The following ELOVL7 variants were observed in gnomAD, a reference collection of about 807,000 sequenced individuals.
ELOVL7 encodes the protein very long chain fatty acid elongase 7.
Under a neutral mutation model 35.7 loss-of-function variants are expected in ELOVL7, and 27 were observed. The observed-to-expected ratio is 0.76, with a 90% CI of 0.56 to 1.04. ELOVL7 has a LOEUF of 1.04. Among genes scored for constraint, ELOVL7 ranks in the 50% least tolerant of loss-of-function variants. The probability of loss-of-function intolerance (pLI) is 0.00; values close to 1 mark genes in which losing one functional copy is unlikely to be tolerated. For missense variants in ELOVL7, 327 were observed against 340.8 expected (o/e 0.96, Z 0.32); for synonymous variants, 113 against 114.6 (o/e 0.99, Z 0.09).
At chr5:60,819,317 G>A (rs532619176) in intron 1 of ELOVL7, among the ~76,000 whole-genome samples, 1 of 152,152 alleles carries the variant, frequency 6.6e-6, no homozygotes, top group South Asian at 2.1e-4. Context: ...GATGGGATAG[G>A]TGGATAGACA....
chr5:60,811,272 T>C (rs1006407675), intron 1 of ELOVL7, among the ~76,000 whole-genome samples: 3 of 152,176 alleles, frequency 2.0e-5, no homozygotes, highest in Admixed American at 6.6e-5. Flanking sequence ...TGTGTGTTTA[T>C]GCACATACTA....
At position 60,768,844 on chromosome 5, in the gene ELOVL7, T is replaced by C. The variant is rs1049465302; in HGVS notation, c.256-941A>G. Reference sequence around the variant, plus strand: ...CTCTCAGTATAATGGTTATATCCTTTTCTGCCATTGAACCATATTTTAAAT... The same window carrying C: ...CTCTCAGTATAATGGTTATATCCTTCTCTGCCATTGAACCATATTTTAAAT... On this transcript the variant is annotated intron_variant, in intron 4 of 8. Coordinates refer to ENST00000508821, the MANE Select transcript of ELOVL7 (RefSeq NM_024930.3). Among the ~76,000 whole-genome samples, 5 of 152,342 alleles carry C rather than the reference T, an allele frequency of 3.3e-5. No homozygotes were observed. The East Asian group carries it at 9.6e-4, about 29-fold the overall frequency.
At chr5:60,817,237 T>TA (rs550224107) in intron 1 of ELOVL7, among the ~76,000 whole-genome samples, 22 of 136,140 alleles carry the variant, frequency 1.6e-4, no homozygotes, top group African/African-American at 2.2e-4. Context: ...TTCAACAAAT[T>TA]AAAAAAAAAA....
chr5:60,771,853 C>T, intron 4 of ELOVL7, 50 bp downstream of exon 4: 2 of 1,332,642 alleles, frequency 1.5e-6, no homozygotes, highest in South Asian at 2.9e-5. Context: ...GACACATAAA[C>T]AGAAAAACTC....
chr5:60,827,805 T>C (rs975235316), intron 1 of ELOVL7, among the ~76,000 whole-genome samples: 1 of 152,202 alleles, frequency 6.6e-6, no homozygotes, highest in African/African-American at 2.4e-5. Context: ...GCCCTTGCCC[T>C]AGTTTCCCCA....
intron 3 of ELOVL7, among the ~76,000 whole-genome samples, chr5:60,777,739 A>G (rs1433395928): frequency 6.6e-6 from 1 of 152,208 alleles, no homozygotes; most frequent in Non-Finnish European, 1.5e-5. Flanking sequence ...GAAGGAAAAA[A>G]CATAAAAACC....
intron 1 of ELOVL7, among the ~76,000 whole-genome samples, chr5:60,803,300 T>C (rs1372289662): frequency 1.3e-5 from 2 of 152,094 alleles, no homozygotes; most frequent in African/African-American, 4.8e-5. Context: ...AGTGGGTAGC[T>C]CACATGGAAG....
chr5:60,790,241 C>T (rs1743851097), intron 2 of ELOVL7, among the ~76,000 whole-genome samples: 2 of 152,064 alleles, frequency 1.3e-5, no homozygotes, highest in African/African-American at 4.8e-5. Context: ...TACATTTACT[C>T]ATAGTTGTAT....
At chr5:60,825,029 C>T (rs1156811635) in intron 1 of ELOVL7, among the ~76,000 whole-genome samples, 1 of 151,678 alleles carries the variant, frequency 6.6e-6, no homozygotes, top group Non-Finnish European at 1.5e-5. Context: ...GATCTCGGCT[C>T]ATTGCAACCT....
chr5:60,798,472 G>C (rs1744398387), intron 2 of ELOVL7, among the ~76,000 whole-genome samples: 1 of 152,054 alleles, frequency 6.6e-6, no homozygotes, highest in Non-Finnish European at 1.5e-5. Context: ...GTGGAGGGGA[G>C]GTGCTTAGAG....
intron 1 of ELOVL7, among the ~76,000 whole-genome samples, chr5:60,830,010 C>G (rs1746388195): frequency 6.6e-6 from 1 of 152,150 alleles, no homozygotes. Flanking sequence ...TTCTCCTCCC[C>G]CTGATCATTT....
chr5:60,792,562 T>G (rs577998607), intron 2 of ELOVL7, among the ~76,000 whole-genome samples: 1 of 152,254 alleles, frequency 6.6e-6, no homozygotes, highest in African/African-American at 2.4e-5. Flanking sequence ...TGCTAGACAA[T>G]GGGCACATAA....
chr5:60,803,026 A>T (rs960910697), intron 1 of ELOVL7, among the ~76,000 whole-genome samples: 1 of 152,190 alleles, frequency 6.6e-6, no homozygotes. Context: ...TAGAGCAGTG[A>T]AAGGGAACTT....
At chr5:60,819,013 GA>G (rs1745704621) in intron 1 of ELOVL7, among the ~76,000 whole-genome samples, 1 of 106,556 alleles carries the variant, frequency 9.4e-6, no homozygotes, top group Non-Finnish European at 1.9e-5. Flanking sequence ...AAAAAGAAGA[GA>G]AGAGGAGAGG....
At chr5:60,805,110 C>T (rs190058882) in intron 1 of ELOVL7, among the ~76,000 whole-genome samples, 4 of 152,166 alleles carry the variant, frequency 2.6e-5, no homozygotes, top group African/African-American at 9.6e-5. Context: ...TGAGCTGAGC[C>T]CTGGGAATAA....
chr5:60,791,858 G>A (rs1332980014), intron 2 of ELOVL7, among the ~76,000 whole-genome samples: 2 of 152,158 alleles, frequency 1.3e-5, no homozygotes, highest in Non-Finnish European at 2.9e-5. Flanking sequence ...AGTTTTACAA[G>A]CCATGTGGCA....
intron 2 of ELOVL7, among the ~76,000 whole-genome samples, chr5:60,793,465 G>T (rs971918892): frequency 6.6e-6 from 1 of 152,004 alleles, no homozygotes; most frequent in Non-Finnish European, 1.5e-5. Context: ...TCAAGTAGAG[G>T]AACTAGATTT....
chr5:60,777,281 A>AC (rs560739172), intron 3 of ELOVL7, among the ~76,000 whole-genome samples: 1 of 151,514 alleles, frequency 6.6e-6, no homozygotes, highest in African/African-American at 2.4e-5. Context: ...GGGGATGGAT[A>AC]CCCCCATTTT....
At chr5:60,818,308 G>T (rs947089464) in intron 1 of ELOVL7, among the ~76,000 whole-genome samples, 1 of 126,490 alleles carries the variant, frequency 7.9e-6, no homozygotes, top group Non-Finnish European at 1.6e-5. Context: ...ACAGAGTGAG[G>T]TTCCATCTCA....
Sources: allele counts gnomAD v4.1 joint callset (sites outside exome capture counted in the v4.1 genomes callset), GRCh38; gene constraint gnomAD v4.1.1; transcripts MANE v1.5; gene names NCBI Gene and HGNC (gene_info 2026-07-23, HGNC 2026-07-21).